Variants in HS6ST3 observed in about 807,000 individuals in gnomAD.
HS6ST3 encodes heparan sulfate 6-O-sulfotransferase 3.
In HS6ST3, 12 loss-of-function variants were observed where a neutral mutation model predicts 36.7. That is an observed-to-expected ratio of 0.33 (90% CI 0.21 to 0.53). The LOEUF (loss-of-function observed/expected upper bound fraction) is 0.53. HS6ST3 is among the 20% of genes least tolerant of loss of function. The pLI is 0.95. For synonymous variants in HS6ST3, 240 were observed against 257.5 expected (o/e 0.93, Z 0.65); for missense variants, 584 against 640.9 (o/e 0.91, Z 0.96).
chr13:96,134,924 A>T (rs2053993840), intron 1 of HS6ST3, among the ~76,000 whole-genome samples: 1 of 152,178 alleles, frequency 6.6e-6, no homozygotes, highest in Non-Finnish European at 1.5e-5. Flanking sequence ...CTTGCATCCC[A>T]TATTGGTCAG....
rs374919031 is a variant in HS6ST3 at position 96,833,073 on chromosome 13, C to T, written c.1291C>T (p.Arg431Cys). Reference sequence around the variant, plus strand: ...CAAGCAGCTAGAGCACCAGAGGGACCGCCAGAAGCGGCGGGAGGAGCGGAG... The same window carrying T: ...CAAGCAGCTAGAGCACCAGAGGGACTGCCAGAAGCGGCGGGAGGAGCGGAG... ...HTKQLEHQRD[R>C]QKRREERRLQ... is the part of the protein sequence containing the mutation. Residue 431 changes from arginine to cysteine, a missense_variant, in exon 2 of 2, where the codon CGC (arginine) becomes TGC (cysteine). Around this residue, in one of 3 missense-constraint regions of HS6ST3, gnomAD observed 360 missense variants for 411.3 expected, o/e 0.88. Transcript: ENST00000376705. 4.0e-5 allele frequency: 64 copies of T among 1,612,142 alleles called. No individual in the cohort carries two copies. The highest frequency in any genetic ancestry group is 2.8e-4 in the African/African-American group (21 of 74,934).
At chr13:96,149,834 T>C (rs946210726) in intron 1 of HS6ST3, among the ~76,000 whole-genome samples, 4 of 152,182 alleles carry the variant, frequency 2.6e-5, no homozygotes, top group Non-Finnish European at 5.9e-5. Context: ...GTATTTGGAA[T>C]TTAATATATG....
chr13:96,287,274 C>A (rs2054808281), intron 1 of HS6ST3, among the ~76,000 whole-genome samples: 1 of 152,000 alleles, frequency 6.6e-6, no homozygotes, highest in African/African-American at 2.4e-5. Flanking sequence ...GCTTAATATC[C>A]ATGAGATAAC....
At chr13:96,369,079 G>A (rs2055277008) in intron 1 of HS6ST3, among the ~76,000 whole-genome samples, 1 of 151,776 alleles carries the variant, frequency 6.6e-6, no homozygotes, top group African/African-American at 2.4e-5. Context: ...TGTGGGGGTG[G>A]GGAGGGTGGG....
At chr13:96,432,536 G>T (rs1226003688) in intron 1 of HS6ST3, among the ~76,000 whole-genome samples, 1 of 152,118 alleles carries the variant, frequency 6.6e-6, no homozygotes, top group African/African-American at 2.4e-5. Context: ...TGTGGCATTT[G>T]TATTCTTCTC....
intron 1 of HS6ST3, among the ~76,000 whole-genome samples, chr13:96,208,542 A>G (rs775057437): frequency 1.3e-5 from 2 of 152,194 alleles, no homozygotes; most frequent in Non-Finnish European, 2.9e-5. Context: ...TACTAATACC[A>G]AGTATTTTAG....
intron 1 of HS6ST3, among the ~76,000 whole-genome samples, chr13:96,355,952 C>T (rs1160520433): frequency 2.0e-5 from 3 of 152,182 alleles, no homozygotes; most frequent in Non-Finnish European, 4.4e-5. Context: ...CAATGTTCAG[C>T]ATCTTCACCA....
chr13:96,602,029 T>A (rs1455760729), intron 1 of HS6ST3, among the ~76,000 whole-genome samples: 6 of 152,194 alleles, frequency 3.9e-5, no homozygotes, highest in African/African-American at 1.4e-4. Context: ...TGTGCAGTTT[T>A]AAATTTTTTC....
chr13:96,507,104 G>C lies in HS6ST3; in HGVS notation c.708-325386G>C, dbSNP rs72641862. Among the ~76,000 whole-genome samples, 810 of 152,174 alleles carry C rather than the reference G, an allele frequency of 5.3e-3. 7 individuals carry two copies. The highest frequency in any genetic ancestry group is 0.02 in the Middle Eastern group (6 of 294). The stretch of plus-strand genomic sequence containing the variant: ...TAAATTTAATAGACTGAAAAAAATT[G>C]GTTTCTTCTTACTATTTCCGTGTGG... On this transcript the variant is annotated intron_variant, in intron 1 of 1. Transcript: ENST00000376705.
At chr13:96,236,158 T>C (rs1244277847) in intron 1 of HS6ST3, among the ~76,000 whole-genome samples, 2 of 152,180 alleles carry the variant, frequency 1.3e-5, no homozygotes, top group African/African-American at 4.8e-5. Context: ...CAGCTCATTT[T>C]ACGGCTGCTT....
chr13:96,185,465 A>G (rs2054260751), intron 1 of HS6ST3, among the ~76,000 whole-genome samples: 1 of 152,198 alleles, frequency 6.6e-6, no homozygotes, highest in Non-Finnish European at 1.5e-5. Flanking sequence ...GCCAAGGCCC[A>G]TTGGCTGCAC....
chr13:96,526,292 G>A (rs1181787338), intron 1 of HS6ST3, among the ~76,000 whole-genome samples: 1 of 152,174 alleles, frequency 6.6e-6, no homozygotes, highest in Non-Finnish European at 1.5e-5. Flanking sequence ...AGGATGAGGT[G>A]AACCACTGAA....
At chr13:96,237,360 C>G in intron 1 of HS6ST3, among the ~76,000 whole-genome samples, 1 of 152,006 alleles carries the variant, frequency 6.6e-6, no homozygotes. Flanking sequence ...TCCTCTTCCT[C>G]TTCCTTCTCT....
At chr13:96,766,307 GGGAAATTTTAAAA>G (rs1304068670) in intron 1 of HS6ST3, among the ~76,000 whole-genome samples, 2 of 152,142 alleles carry the variant, frequency 1.3e-5, no homozygotes, top group Non-Finnish European at 2.9e-5. Flanking sequence ...ATCTTAAAAA[GGGAAATTTTAAAA>G]CCCTGACTGC....
At chr13:96,560,855 G>T (rs757370315) in intron 1 of HS6ST3, among the ~76,000 whole-genome samples, 5 of 151,976 alleles carry the variant, frequency 3.3e-5, no homozygotes, top group Non-Finnish European at 7.4e-5. Flanking sequence ...TCTACATGGA[G>T]AATTACCCAA....
intron 1 of HS6ST3, among the ~76,000 whole-genome samples, chr13:96,094,897 G>C (rs1465868196): frequency 6.6e-6 from 1 of 151,606 alleles, no homozygotes; most frequent in African/African-American, 2.4e-5. Context: ...TTATTTTTTT[G>C]GCAGGCCATT....
At chr13:96,439,050 G>GCTGT (rs2055656958) in intron 1 of HS6ST3, among the ~76,000 whole-genome samples, 3 of 150,736 alleles carry the variant, frequency 2.0e-5, no homozygotes, top group African/African-American at 7.4e-5. Context: ...CTGGGCGATA[G>GCTGT]AGCAAGAATC....
intron 1 of HS6ST3, among the ~76,000 whole-genome samples, chr13:96,670,154 T>C (rs1273573320): frequency 6.6e-6 from 1 of 151,958 alleles, no homozygotes; most frequent in Non-Finnish European, 1.5e-5. Context: ...AAAAGAAAAA[T>C]TAGAAGCATG....
At chr13:96,117,218 A>G (rs1289126522) in intron 1 of HS6ST3, among the ~76,000 whole-genome samples, 1 of 152,180 alleles carries the variant, frequency 6.6e-6, no homozygotes, top group African/African-American at 2.4e-5. Flanking sequence ...TTTCTGTAGC[A>G]TGAAAGAGAA....
Sources: allele counts gnomAD v4.1 joint callset (sites outside exome capture counted in the v4.1 genomes callset), GRCh38; gene constraint gnomAD v4.1.1; regional missense constraint gnomAD v4.1.1; transcripts MANE v1.5; gene names NCBI Gene and HGNC (gene_info 2026-07-23, HGNC 2026-07-21).